The following ACAT1 variants were observed in gnomAD, a reference collection of about 807,000 sequenced individuals.
ACAT1 encodes the protein acetyl-CoA acetyltransferase, mitochondrial.
A neutral mutation model predicts 47.3 loss-of-function variants in ACAT1; 28 were observed. The ratio of observed to expected loss-of-function variants is 0.59; its 90% CI spans 0.44 to 0.81. The LOEUF is 0.81. Ranked by LOEUF, ACAT1 falls within the 30% of genes least tolerant of loss-of-function variation. ACAT1 has a pLI of 0.00. For missense variants in ACAT1, 469 were observed against 524.3 expected (o/e 0.89, Z 1.03); for synonymous variants, 181 against 173.6 (o/e 1.04, Z -0.34).
In ACAT1 at chr11:108,147,396, C is replaced by T; in HGVS notation, c.*6C>T. The T allele has an allele frequency of 6.2e-7, 1 of 1,613,396 alleles. No individual in the cohort carries two copies. The highest frequency in any genetic ancestry group is 8.5e-7 in the Non-Finnish European group (1 of 1,179,698). ...TGCTAATTCAGAAGCTGTAGACAAC[C>T]TCTGCTATTTAAGGAGACAACCCTA... On this transcript the variant is annotated 3_prime_UTR_variant, in exon 12 of 12. Coordinates refer to ENST00000265838, the MANE Select transcript of ACAT1 (RefSeq NM_000019.4).
chr11:108,134,133 A>C, intron 3 of ACAT1, 88 bp from the exon 4 acceptor site: 1 of 1,300,528 alleles, frequency 7.7e-7, no homozygotes, highest in Non-Finnish European at 1.1e-6. Context: ...AACCATTCCT[A>C]TTGTGTAATG....
rs1376161622 is a variant in ACAT1, at chr11:108,147,411, A to G, written c.*21A>G. On this transcript the variant is annotated 3_prime_UTR_variant, in exon 12 of 12. Coordinates refer to ENST00000265838, the MANE Select transcript of ACAT1 (RefSeq NM_000019.4). ...TGTAGACAACCTCTGCTATTTAAGG[A>G]GACAACCCTATGTGACCAGAAGGCC... is the stretch of plus-strand genomic sequence containing the variant. 1 of 1,612,398 alleles carries G rather than the reference A, an allele frequency of 6.2e-7. No individual in the cohort carries two copies. Among genetic ancestry groups the G allele is most frequent in the African/African-American group, 1.3e-5 (1 of 74,870 alleles).
chr11:108,143,005 T>C (rs370470231), intron 9 of ACAT1: 1 of 179,470 alleles, frequency 5.6e-6, no homozygotes, highest in African/African-American at 2.4e-5. Flanking sequence ...ATTTTCATTA[T>C]ACTTTATATA....
chr11:108,143,164 G>A lies in ACAT1; in HGVS notation c.940+614G>A, dbSNP rs192114087. 173 of 153,212 alleles carry A rather than the reference G, an allele frequency of 1.1e-3. 1 individual carries two copies. The highest frequency in any genetic ancestry group is 1.4e-3 in the Non-Finnish European group (96 of 68,754). 9.5% of individuals were successfully genotyped at this position (153,212 alleles called of 1,614,324 possible). ...ACCTCTGAAAGAAAAAAATTAGCCA[G>A]GTGTGGTAGCATGCCTGTAGTCCCA... is the stretch of plus-strand genomic sequence containing the variant. On this transcript the variant is annotated intron_variant, in intron 9 of 11. Transcript: ENST00000265838.
intron 1 of ACAT1, among the ~76,000 whole-genome samples, chr11:108,130,821 C>G (rs756175540): frequency 6.6e-5 from 10 of 152,220 alleles, no homozygotes; most frequent in Non-Finnish European, 1.2e-4. Flanking sequence ...GTGATCTTGG[C>G]TCACTGCAAC....
At chr11:108,138,757 AGGGT>A in intron 5 of ACAT1, 137 bp from the exon 6 acceptor site, 1 of 943,552 alleles carries the variant, frequency 1.1e-6, no homozygotes. Context: ...AGTGGTAAAG[AGGGT>A]ACTTCCTGTA....
At chr11:108,146,462 C>G in intron 11 of ACAT1, 103 bp downstream of exon 11, 8 of 1,386,424 alleles carry the variant, frequency 5.8e-6, no homozygotes, top group South Asian at 1.2e-5. Context: ...GTTTTCCTTC[C>G]TACCCATCTT....
At chr11:108,143,849 A>C in intron 9 of ACAT1, 134 bp from the exon 10 acceptor site, 1 of 800,470 alleles carries the variant, frequency 1.2e-6, no homozygotes, top group Non-Finnish European at 1.8e-6. Flanking sequence ...AATCCTAGAA[A>C]AGGAAGACAT....
intron 6 of ACAT1, among the ~76,000 whole-genome samples, chr11:108,139,746 C>T (rs1436914683): frequency 6.6e-6 from 1 of 151,976 alleles, no homozygotes; most frequent in Non-Finnish European, 1.5e-5. Flanking sequence ...CTGCAGCCTC[C>T]GCCTCCTGGG....
In ACAT1 at chr11:108,142,686, A is replaced by G. The variant is rs375038187; in HGVS notation, c.940+136A>G. On this transcript the variant is annotated intron_variant, in intron 9 of 11. Coordinates refer to ENST00000265838, the MANE Select transcript of ACAT1 (RefSeq NM_000019.4). Reference sequence around the variant, plus strand: ...ACTTCGTCTCTACAAAAAGTTAAAAAATTAGCTGAGCATGGTGGCATGTGC... The same window carrying G: ...ACTTCGTCTCTACAAAAAGTTAAAAGATTAGCTGAGCATGGTGGCATGTGC... The G allele has an allele frequency of 9.3e-5, 66 of 711,228 alleles. No individual in the cohort carries two copies. In the African/African-American group the frequency reaches 1.1e-3, roughly 12 times the overall value. The allele number at this position is 711,228 out of a possible 1,614,324, so 44.1% of individuals were successfully genotyped here. A position where few individuals can be genotyped will look rare whatever the true frequency, so the allele number is the denominator to read the frequency against.
At chr11:108,141,835 A>AAAAC in intron 8 of ACAT1, 135 bp downstream of exon 8, 1 of 677,872 alleles carries the variant, frequency 1.5e-6, no homozygotes, top group South Asian at 1.7e-5. Flanking sequence ...TATCAGGCTC[A>AAAAC]TGTAAAATTG....
Position 108,138,943 on chromosome 11 carries a change from T to C in ACAT1, c.481T>C (p.Tyr161His), listed in dbSNP as rs768121096. 1.5e-5 allele frequency: 24 copies of C among 1,614,154 alleles called. No homozygotes were observed. Among genetic ancestry groups the C allele is most frequent in the Non-Finnish European group, 1.9e-5 (23 of 1,180,020 alleles). ...GGMESMSNVP[Y>H]VMNRGSTPYG... ...GATGGAGAGCATGTCCAATGTTCCA[T>C]ATGTAATGAACAGAGGATCAACACC... Residue 161 changes from tyrosine (Y) to histidine (H), a missense_variant, in exon 6 of 12, where the codon TAT (tyrosine) becomes CAT (histidine). Physicochemically the swap from Tyr to His is moderately conservative, Grantham distance 83 (BLOSUM62 2). Transcript: ENST00000265838.
chr11:108,126,782 A>G (rs926711595), intron 1 of ACAT1, among the ~76,000 whole-genome samples: 4 of 147,626 alleles, frequency 2.7e-5, no homozygotes, highest in Non-Finnish European at 5.9e-5. Context: ...CCGGCAACAA[A>G]CAGGTTTTCT....
intron 4 of ACAT1, chr11:108,134,594 C>G (rs2077426796): frequency 4.7e-6 from 1 of 214,990 alleles, no homozygotes; most frequent in Admixed American, 5.7e-5. Context: ...GCCAAGATTG[C>G]ACCATTGCAC....
At chr11:108,122,020 C>A in intron 1 of ACAT1, 2 of 424,104 alleles carry the variant, frequency 4.7e-6, no homozygotes, top group South Asian at 2.6e-5. Flanking sequence ...AGTCTCTTTG[C>A]AGGCCTGTGC....
chr11:108,132,059 T>C, intron 2 of ACAT1, 105 bp downstream of exon 2: 1 of 712,426 alleles, frequency 1.4e-6, no homozygotes. Context: ...AAAGCAGGAT[T>C]ATGTAACAGT....
chr11:108,117,335 T>G (rs1864971803), upstream of ACAT1, among the ~76,000 whole-genome samples: 1 of 147,668 alleles, frequency 6.8e-6, no homozygotes, highest in Admixed American at 6.7e-5. Context: ...GGAGACAGAG[T>G]TTTGCTCTGT....
At chr11:108,123,689 AT>A (rs1429063348) in intron 1 of ACAT1, among the ~76,000 whole-genome samples, 2 of 151,880 alleles carry the variant, frequency 1.3e-5, no homozygotes, top group Non-Finnish European at 2.9e-5. Context: ...TTTTTTAATT[AT>A]TTTTTTAAAT....
At chr11:108,129,123 G>GAGA (rs2077306751) in intron 1 of ACAT1, 1 of 152,084 alleles carries the variant, frequency 6.6e-6, no homozygotes, top group Non-Finnish European at 1.5e-5. Context: ...ACTTATGAGT[G>GAGA]AGAACATAAG....
Sources: allele counts gnomAD v4.1 joint callset (sites outside exome capture counted in the v4.1 genomes callset), GRCh38; gene constraint gnomAD v4.1.1; transcripts MANE v1.5; gene names NCBI Gene and HGNC (gene_info 2026-07-23, HGNC 2026-07-21).